Variants in CAPN8 observed in about 807,000 individuals in gnomAD.
The protein encoded by CAPN8 is calpain 8, also known as calpain-8.
A neutral mutation model predicts 80.9 loss-of-function variants in CAPN8; 87 were observed. The observed-to-expected ratio is 1.07, with a 90% CI of 0.90 to 1.28. CAPN8 has a LOEUF of 1.28. CAPN8 is among the 50% of genes most tolerant of loss of function. The probability of loss-of-function intolerance (pLI) is 0.00; values close to 1 mark genes in which losing one functional copy is unlikely to be tolerated. For missense variants in CAPN8, 757 were observed against 702.0 expected (o/e 1.08, Z -0.89); for synonymous variants, 299 against 273.8 (o/e 1.09, Z -0.91).
Position 223,557,724 on chromosome 1 carries a change from G to C in CAPN8, c.1572+407C>G, listed in dbSNP as rs1038198403. On this transcript the variant is annotated intron_variant, in intron 13 of 20. Coordinates refer to ENST00000366872, the MANE Select transcript of CAPN8 (RefSeq NM_001143962.2). ...TACTCAAGTTTAGATGGGTTTTCTG[G>C]TGTGTTCTTCTCTTCATCTTTCACA... Among the ~76,000 whole-genome samples, 598 of 152,300 alleles carry C rather than the reference G, an allele frequency of 3.9e-3. 9 individuals carry two copies. The highest frequency in any genetic ancestry group is 0.014 in the African/African-American group (564 of 41,556).
chr1:223,664,434 T>G (rs1272176686), intron 1 of CAPN8, among the ~76,000 whole-genome samples: 1 of 152,268 alleles, frequency 6.6e-6, no homozygotes. Context: ...GCATCTATTA[T>G]GTTCTGGGCA....
chr1:223,627,128 C>G lies in CAPN8; in HGVS notation c.590G>C (p.Gly197Ala), dbSNP rs1039528381. The G allele has an allele frequency of 6.4e-7, 1 of 1,552,264 alleles. No homozygotes were observed. The highest frequency in any genetic ancestry group is 1.4e-5 in the African/African-American group (1 of 73,046). ...CTCAAACCCCTCCACTGTGGAACCT[C>G]CAGCGAGAGCCTCATAACAACCATT... ...KLNGCYEALA[G>A]GSTVEGFEDF... Residue 197 changes from glycine (G) to alanine (A), a missense_variant, in exon 5 of 21, where the codon GGA (glycine) becomes GCA (alanine). Coordinates refer to ENST00000366872, the MANE Select transcript of CAPN8 (RefSeq NM_001143962.2).
At chr1:223,619,177 G>C (rs1402346398) in intron 9 of CAPN8, 116 bp downstream of exon 9, 3 of 1,258,114 alleles carry the variant, frequency 2.4e-6, no homozygotes, top group South Asian at 3.0e-5. Flanking sequence ...CTGGGGAACA[G>C]AGCAAGGCCC....
At chr1:223,610,832 G>T (rs1297363361) in intron 11 of CAPN8, among the ~76,000 whole-genome samples, 1 of 152,134 alleles carries the variant, frequency 6.6e-6, no homozygotes, top group East Asian at 1.9e-4. Context: ...TTTAACTAAG[G>T]GTGGTTCTCA....
intron 2 of CAPN8, among the ~76,000 whole-genome samples, chr1:223,642,101 T>C (rs768270486): frequency 1.4e-4 from 21 of 152,192 alleles, no homozygotes; most frequent in Non-Finnish European, 8.8e-5. Context: ...AGCAAGATTA[T>C]AGAGAACATC....
intron 2 of CAPN8, among the ~76,000 whole-genome samples, chr1:223,636,904 AGCTTTCTGGGACCC>A (rs1479461227): frequency 2.6e-5 from 4 of 152,188 alleles, no homozygotes; most frequent in African/African-American, 9.7e-5. Context: ...TCACTAGTAA[AGCTTTCTGGGACCC>A]GCTTTCTGTT....
intron 14 of CAPN8, among the ~76,000 whole-genome samples, chr1:223,551,684 A>T (rs1656790545): frequency 6.6e-6 from 1 of 152,196 alleles, no homozygotes; most frequent in South Asian, 2.1e-4. Context: ...AAGATCCTTA[A>T]ATCCTCAGCA....
At chr1:223,643,720 T>C (rs1658106902) in intron 2 of CAPN8, among the ~76,000 whole-genome samples, 1 of 152,126 alleles carries the variant, frequency 6.6e-6, no homozygotes, top group South Asian at 2.1e-4. Flanking sequence ...AAACAGTTTG[T>C]CCAAAGTGAG....
intron 2 of CAPN8, among the ~76,000 whole-genome samples, chr1:223,646,210 G>T (rs547990306): frequency 8.4e-4 from 128 of 152,344 alleles, no homozygotes; most frequent in Non-Finnish European, 1.5e-3. Flanking sequence ...GATGGGACTT[G>T]TTTCCATTCC....
At chr1:223,640,376 GTCT>G (rs1658013229) in intron 2 of CAPN8, among the ~76,000 whole-genome samples, 1 of 152,138 alleles carries the variant, frequency 6.6e-6, no homozygotes, top group South Asian at 2.1e-4. Flanking sequence ...TTTATTGAGC[GTCT>G]ACTGCCTATA....
At chr1:223,648,996 A>G (rs1658269507) in intron 2 of CAPN8, among the ~76,000 whole-genome samples, 1 of 152,216 alleles carries the variant, frequency 6.6e-6, no homozygotes, top group African/African-American at 2.4e-5. Flanking sequence ...CACTAGATTC[A>G]AAGTTTGGAT....
At chr1:223,545,618 C>T (rs572711435) in intron 16 of CAPN8, among the ~76,000 whole-genome samples, 5 of 152,190 alleles carry the variant, frequency 3.3e-5, no homozygotes, top group African/African-American at 1.2e-4. Flanking sequence ...TGTAAATTCG[C>T]TTCTACATTT....
chr1:223,643,449 A>G (rs977830836), intron 2 of CAPN8, among the ~76,000 whole-genome samples: 1 of 152,252 alleles, frequency 6.6e-6, no homozygotes, highest in African/African-American at 2.4e-5. Context: ...CTGAACTCAA[A>G]TGTTAAAATG....
At chr1:223,665,321 A>G in intron 1 of CAPN8, 89 bp downstream of exon 1, 1 of 1,047,056 alleles carries the variant, frequency 9.6e-7, no homozygotes. Context: ...CTTAGGGTCC[A>G]CAGCCTCAAC....
chr1:223,611,029 C>T (rs912760206), intron 11 of CAPN8, among the ~76,000 whole-genome samples: 2 of 151,992 alleles, frequency 1.3e-5, no homozygotes, highest in African/African-American at 2.4e-5. Context: ...GAAGGCCCCC[C>T]GGCACTCGTA....
At chr1:223,619,548 G>T in intron 8 of CAPN8, 95 bp from the exon 9 acceptor site, 1 of 1,315,072 alleles carries the variant, frequency 7.6e-7, no homozygotes, top group Non-Finnish European at 1.0e-6. Flanking sequence ...TGTGGCACAG[G>T]CCCTAGAGGC....
intron 12 of CAPN8, 33 bp from the exon 13 acceptor site, chr1:223,558,200 G>A (rs1432731382): frequency 7.5e-6 from 3 of 398,434 alleles, no homozygotes; most frequent in Non-Finnish European, 1.3e-5. Context: ...AACCAAACAT[G>A]AGTAAGTAAA....
chr1:223,632,940 C>A (rs994615389), intron 2 of CAPN8, among the ~76,000 whole-genome samples: 1 of 152,202 alleles, frequency 6.6e-6, no homozygotes. Context: ...CTTCCTCCTT[C>A]TTCCCATCTG....
chr1:223,637,821 C>T lies in CAPN8; in HGVS notation c.308-9041G>A, dbSNP rs561854715. Among the ~76,000 whole-genome samples the T allele has an allele frequency of 6.6e-5, 10 of 152,228 alleles. No individual in the cohort carries two copies. In the South Asian group the frequency reaches 2.1e-3, roughly 32 times the overall value. On this transcript the variant is annotated intron_variant, in intron 2 of 20. Coordinates refer to ENST00000366872, the MANE Select transcript of CAPN8 (RefSeq NM_001143962.2). ...TAGCACAGGTTTTGAACTCAGAAAT[C>T]CTGTGTTCAAAGCCCTGGACCCTTA... is the stretch of plus-strand genomic sequence containing the variant.
Sources: gnomAD v4.1 joint callset for allele counts (sites outside exome capture counted in the v4.1 genomes callset) on GRCh38, gnomAD v4.1.1 for gene constraint, MANE v1.5 for transcripts, NCBI Gene and HGNC (gene_info 2026-07-23, HGNC 2026-07-21) for gene names.